NEMP2: variants seen among roughly 807,000 people sequenced by gnomAD.
NEMP2 encodes nuclear envelope integral membrane protein 2, also known as UPF0571 transmembrane protein.
Under a neutral mutation model 54.2 loss-of-function variants are expected in NEMP2, and 53 were observed. That is an observed-to-expected ratio of 0.98 (90% CI 0.78 to 1.23). The LOEUF is 1.23. NEMP2 is among the 50% of genes most tolerant of loss of function. NEMP2 has a pLI of 0.00. For missense variants in NEMP2, 455 were observed against 511.3 expected (o/e 0.89, Z 1.06); for synonymous variants, 197 against 190.3 (o/e 1.04, Z -0.29).
chr2:190,476,470 C>T, the NEMP2 span, among the ~76,000 whole-genome samples: 2 of 152,108 alleles, frequency 1.3e-5, no homozygotes, highest in Admixed American at 6.6e-5. Flanking sequence ...TCATCACTGG[C>T]CATCAGAGAA....
At chr2:190,548,224 T>A in the NEMP2 span, among the ~76,000 whole-genome samples, 2 of 152,222 alleles carry the variant, frequency 1.3e-5, no homozygotes, top group African/African-American at 4.8e-5. Flanking sequence ...GCACTCCTTT[T>A]TTTTTTCTTT....
At position 190,510,248 on chromosome 2, in the gene NEMP2, G is replaced by GT; in HGVS notation, c.1130+112dup. ...ACCTCTGACAACTTCCACATCATCT[G>GT]TTATCCAGGGAAACAGTCTATTTCT... On this transcript the variant is annotated intron_variant, in intron 8 of 8. Transcript: ENST00000409150. This position sits in a 1 kb window ranked among gnomAD's most constrained non-coding sequence, Gnocchi z 5.7. 3.1e-6 allele frequency: 4 copies of GT among 1,279,014 alleles called. No homozygotes were observed. Among genetic ancestry groups the GT allele is most frequent in the Non-Finnish European group, 4.3e-6 (4 of 934,940 alleles). The allele number at this position is 1,279,014 out of a possible 1,614,324, so 79.2% of individuals were successfully genotyped here.
chr2:190,589,053 A>G, the NEMP2 span, among the ~76,000 whole-genome samples: 1 of 152,278 alleles, frequency 6.6e-6, no homozygotes, highest in African/African-American at 2.4e-5. The surrounding 1 kb of genome is among the most constrained non-coding windows in gnomAD (Gnocchi z 4.3). Context: ...GTGGGACCCA[A>G]ATGAATAAGC....
the NEMP2 span, among the ~76,000 whole-genome samples, chr2:190,431,559 G>A: frequency 6.6e-6 from 1 of 152,214 alleles, no homozygotes; most frequent in Non-Finnish European, 1.5e-5. This position sits in a 1 kb window ranked among gnomAD's most constrained non-coding sequence, Gnocchi z 4.4. Context: ...ACGAAAACCA[G>A]TCAGGTGTGG....
the NEMP2 span, among the ~76,000 whole-genome samples, chr2:190,575,049 G>T: frequency 6.6e-6 from 1 of 151,908 alleles, no homozygotes; most frequent in Admixed American, 6.6e-5. Flanking sequence ...TAGAGATGGG[G>T]TTTCACTATG....
Position 190,517,546 on chromosome 2 carries a change from G to A in NEMP2, c.586C>T (p.Leu196=). 6.5e-7 allele frequency: 1 copy of A among 1,549,836 alleles called. No individual in the cohort carries two copies. The highest frequency in any genetic ancestry group is 8.7e-7 in the Non-Finnish European group (1 of 1,146,258). ...TTCGGAATGAATCTTTTCACCAACAGCAAGACAAAGACTAATGTCATTAGA... is the reference window on the plus strand; with the variant it reads ...TTCGGAATGAATCTTTTCACCAACAACAAGACAAAGACTAATGTCATTAGA... The part of the protein sequence containing the change: ...GVLMTLVFVL[L]LVKRFIPKYS... The change falls in exon 5 of 9, where the codon CTG becomes TTG. Residue 196 remains leucine (L), a synonymous_variant. Transcript: ENST00000409150.
chr2:190,488,887 A>C, the NEMP2 span: 1 of 1,377,074 alleles, frequency 7.3e-7, no homozygotes, highest in Non-Finnish European at 9.8e-7. This position sits in a 1 kb window ranked among gnomAD's most constrained non-coding sequence, Gnocchi z 6.4. Flanking sequence ...CAATACCTCA[A>C]TAAACAATCC....
At chr2:190,583,158 A>G in the NEMP2 span, among the ~76,000 whole-genome samples, 3 of 152,092 alleles carry the variant, frequency 2.0e-5, no homozygotes, top group Non-Finnish European at 4.4e-5. Flanking sequence ...ACTGAAATGC[A>G]GCCTTAACGA....
the NEMP2 span, among the ~76,000 whole-genome samples, chr2:190,430,327 GT>G: frequency 6.6e-6 from 1 of 151,232 alleles, no homozygotes. Flanking sequence ...AAGATCTCTG[GT>G]TTTCCTAGGC....
At chr2:190,491,172 C>A in the NEMP2 span, among the ~76,000 whole-genome samples, 1 of 152,148 alleles carries the variant, frequency 6.6e-6, no homozygotes, top group Admixed American at 6.5e-5. The surrounding 1 kb of genome is among the most constrained non-coding windows in gnomAD (Gnocchi z 4.2). Flanking sequence ...CAAATTTTAA[C>A]TCATCTTTGA....
At chr2:190,493,806 A>G in the NEMP2 span, among the ~76,000 whole-genome samples, 1 of 152,104 alleles carries the variant, frequency 6.6e-6, no homozygotes, top group African/African-American at 2.4e-5. Context: ...GAAATTTAAA[A>G]TTGAACTGAA....
chr2:190,423,838 C>T, the NEMP2 span, among the ~76,000 whole-genome samples: 271 of 152,256 alleles, frequency 1.8e-3, 3 homozygotes, highest in African/African-American at 6.2e-3. The surrounding 1 kb of genome is among the most constrained non-coding windows in gnomAD (Gnocchi z 4.3). Flanking sequence ...TTCTTATAGA[C>T]GTGTAGTGAT....
chr2:190,547,493 T>C, the NEMP2 span, among the ~76,000 whole-genome samples: 1 of 152,216 alleles, frequency 6.6e-6, no homozygotes, highest in African/African-American at 2.4e-5. This position sits in a 1 kb window ranked among gnomAD's most constrained non-coding sequence, Gnocchi z 6.2. Flanking sequence ...TTTTAAATCA[T>C]TCAATTTCCT....
chr2:190,600,662 G>C, the NEMP2 span, among the ~76,000 whole-genome samples: 1 of 152,046 alleles, frequency 6.6e-6, no homozygotes, highest in African/African-American at 2.4e-5. This position sits in a 1 kb window ranked among gnomAD's most constrained non-coding sequence, Gnocchi z 4.9. Context: ...CTCTTTGCAC[G>C]TGCCAGCCCC....
the NEMP2 span, chr2:190,469,719 C>CT: frequency 5.1e-5 from 60 of 1,178,632 alleles, no homozygotes; most frequent in South Asian, 1.3e-4. The surrounding 1 kb of genome is among the most constrained non-coding windows in gnomAD (Gnocchi z 5.3). Flanking sequence ...TTTTCCTTTG[C>CT]TTTTTTTTAT....
At chr2:190,431,324 A>G in the NEMP2 span, among the ~76,000 whole-genome samples, 2 of 152,294 alleles carry the variant, frequency 1.3e-5, no homozygotes, top group East Asian at 1.9e-4. The surrounding 1 kb of genome is among the most constrained non-coding windows in gnomAD (Gnocchi z 4.4). Flanking sequence ...AGAGGCTGCA[A>G]TCTCGGCACT....
At position 190,507,701 on chromosome 2, in the gene NEMP2, G is replaced by T. The variant is rs1690226082; in HGVS notation, c.*1488C>A. 2 of 151,834 alleles carry T rather than the reference G, an allele frequency of 1.3e-5. No homozygotes were observed. Among genetic ancestry groups the T allele is most frequent in the Admixed American group, 6.6e-5 (1 of 15,242 alleles). The allele number at this position is 151,834 out of a possible 1,614,324, so 9.4% of individuals were successfully genotyped here. On this transcript the variant is annotated 3_prime_UTR_variant, in exon 9 of 9. Transcript: ENST00000409150. This position sits in a 1 kb window ranked among gnomAD's most constrained non-coding sequence, Gnocchi z 4.4. ...TATGAAAAGATGTCTGGCAAAAACAGACCTGTAAATACTTCAAAGAGGAAC... is the reference window on the plus strand; with the variant it reads ...TATGAAAAGATGTCTGGCAAAAACATACCTGTAAATACTTCAAAGAGGAAC...
the NEMP2 span, among the ~76,000 whole-genome samples, chr2:190,459,300 T>C: frequency 2.0e-5 from 3 of 152,232 alleles, no homozygotes; most frequent in African/African-American, 7.2e-5. This position sits in a 1 kb window ranked among gnomAD's most constrained non-coding sequence, Gnocchi z 5.3. Context: ...AACCTGAGTT[T>C]CGATGAACTT....
the NEMP2 span, among the ~76,000 whole-genome samples, chr2:190,453,897 T>A: frequency 1.3e-5 from 2 of 152,202 alleles, no homozygotes; most frequent in Non-Finnish European, 2.9e-5. Flanking sequence ...ATTATTATCA[T>A]ACATGTCAGA....
Sources: allele counts gnomAD v4.1 joint callset (sites outside exome capture counted in the v4.1 genomes callset), GRCh38; gene constraint gnomAD v4.1.1; non-coding constraint Gnocchi (gnomAD v3.1); transcripts MANE v1.5; gene names NCBI Gene and HGNC (gene_info 2026-07-23, HGNC 2026-07-21).